The following MAPKAP1 variants were observed in gnomAD, a reference collection of about 807,000 sequenced individuals.
MAPKAP1 encodes the protein MAPK associated protein 1.
In MAPKAP1, 20 loss-of-function variants were observed where a neutral mutation model predicts 65.7. The observed-to-expected ratio is 0.30, with a 90% CI of 0.21 to 0.44. MAPKAP1 has a LOEUF of 0.44. Ranked by LOEUF, MAPKAP1 falls within the 20% of genes least tolerant of loss-of-function variation. MAPKAP1 has a pLI of 1.00. For missense variants in MAPKAP1, 423 were observed against 648.0 expected, an observed-to-expected ratio of 0.65 and a Z score of 3.77; for synonymous variants, 222 against 244.3, an observed-to-expected ratio of 0.91 and a Z score of 0.85.
intron 10 of MAPKAP1, among the ~76,000 whole-genome samples, chr9:125,458,482 A>G (rs1323617128): frequency 6.6e-6 from 1 of 152,046 alleles, no homozygotes; most frequent in East Asian, 1.9e-4. Flanking sequence ...CCCTTAATCC[A>G]TTTAACCCTG....
chr9:125,655,946 A>T (rs1436603475), intron 4 of MAPKAP1, among the ~76,000 whole-genome samples: 2 of 152,200 alleles, frequency 1.3e-5, no homozygotes, highest in Non-Finnish European at 2.9e-5. Flanking sequence ...TCCCGCTGGT[A>T]CTTCAGAAGT....
intron 9 of MAPKAP1, among the ~76,000 whole-genome samples, chr9:125,477,843 A>G (rs1854166538): frequency 6.6e-6 from 1 of 152,218 alleles, no homozygotes; most frequent in South Asian, 2.1e-4. Context: ...TTAGGCACAC[A>G]GGATCAGGTA....
chr9:125,554,959 A>C (rs1377697886), intron 6 of MAPKAP1, among the ~76,000 whole-genome samples: 1 of 152,196 alleles, frequency 6.6e-6, no homozygotes, highest in Non-Finnish European at 1.5e-5. Context: ...CTCATATGAA[A>C]ATCAAAAGAC....
At chr9:125,704,260 AAG>A (rs1835693109) in intron 1 of MAPKAP1, among the ~76,000 whole-genome samples, 1 of 152,316 alleles carries the variant, frequency 6.6e-6, no homozygotes, top group South Asian at 2.1e-4. Context: ...GAAGTTATTC[AAG>A]GTCTCTGTGC....
At chr9:125,673,209 A>G (rs1161635619) in intron 1 of MAPKAP1, among the ~76,000 whole-genome samples, 2 of 152,104 alleles carry the variant, frequency 1.3e-5, no homozygotes, top group Non-Finnish European at 2.9e-5. Context: ...TCAAGATAGT[A>G]TTGTGTTTTT....
rs1293871207 is a variant in MAPKAP1 at position 125,447,673 on chromosome 9, G to A, written c.1346-3075C>T. ...AGCATGGGCTAGAGCAAAGGACAGA[G>A]AAATGAACACCGAGAGTCAAATATG... On this transcript the variant is annotated intron_variant, in intron 10 of 11. Transcript: ENST00000265960. The surrounding 1 kb of genome is among the most constrained non-coding windows in gnomAD (Gnocchi z 4.5). Among the ~76,000 whole-genome samples, 1 of 152,220 alleles carries A rather than the reference G, an allele frequency of 6.6e-6. No individual in the cohort carries two copies. The highest frequency in any genetic ancestry group is 1.5e-5 in the Non-Finnish European group (1 of 68,044).
At chr9:125,452,818 G>C (rs1051167676) in intron 10 of MAPKAP1, among the ~76,000 whole-genome samples, 1 of 152,032 alleles carries the variant, frequency 6.6e-6, no homozygotes, top group Non-Finnish European at 1.5e-5. Flanking sequence ...CTGGGAAGTG[G>C]AGGTTGCAGT....
chr9:125,482,237 C>G (rs921036388), intron 9 of MAPKAP1, among the ~76,000 whole-genome samples: 6 of 151,864 alleles, frequency 4.0e-5, no homozygotes, highest in African/African-American at 1.5e-4. Flanking sequence ...GTCTACAGAC[C>G]CATGTAATCA....
chr9:125,458,226 T>G (rs1257842992), intron 10 of MAPKAP1, among the ~76,000 whole-genome samples: 3 of 152,014 alleles, frequency 2.0e-5, no homozygotes, highest in African/African-American at 7.2e-5. Context: ...TCTTTTTTTT[T>G]TTTTTTTTAA....
chr9:125,514,553 T>C (rs1468442827), intron 7 of MAPKAP1, among the ~76,000 whole-genome samples: 1 of 152,204 alleles, frequency 6.6e-6, no homozygotes, highest in Non-Finnish European at 1.5e-5. Context: ...ACTGAGGAAC[T>C]GTGAATCCTG....
chr9:125,585,526 C>T (rs766114567), intron 5 of MAPKAP1, 29 bp downstream of exon 5: 1 of 1,607,836 alleles, frequency 6.2e-7, no homozygotes, highest in Non-Finnish European at 8.5e-7. Flanking sequence ...CCACAAGAAA[C>T]TAGAGCAGCC....
chr9:125,521,432 ACAGTT>A (rs1485044341), intron 7 of MAPKAP1: 1 of 1,091,474 alleles, frequency 9.2e-7, no homozygotes, highest in Admixed American at 4.9e-5. Flanking sequence ...AATTTTACAT[ACAGTT>A]ATCTGTTGCT....
chr9:125,576,477 T>C (rs532782267), intron 5 of MAPKAP1, among the ~76,000 whole-genome samples: 4 of 152,048 alleles, frequency 2.6e-5, no homozygotes, highest in East Asian at 3.9e-4. Flanking sequence ...AAACGAAGCA[T>C]AGCTCTCCCT....
rs573293807 is a variant in MAPKAP1 at position 125,646,301 on chromosome 9, C to A, written c.498+11350G>T. 4.3e-4 allele frequency among the ~76,000 whole-genome samples: 65 copies of A among 152,184 alleles called. 1 individual carries two copies. In the South Asian group the frequency reaches 0.012, roughly 29 times the overall value. On this transcript the variant is annotated intron_variant, in intron 4 of 11. Transcript: ENST00000265960. ...ACCAGCCTGGACAACAGAGCAACAC[C>A]CTGTCTCTTCAAAACAAAACAAAAC...
chr9:125,477,480 T>C lies in MAPKAP1; in HGVS notation c.1207+6963A>G, dbSNP rs368435663. 4.6e-5 allele frequency among the ~76,000 whole-genome samples: 7 copies of C among 152,298 alleles called. No homozygotes were observed. In the East Asian group the frequency reaches 1.3e-3, roughly 29 times the overall value. On this transcript the variant is annotated intron_variant, in intron 9 of 11. Coordinates refer to ENST00000265960, the MANE Select transcript of MAPKAP1 (RefSeq NM_001006617.3). ...TAAACACCACAATCTAGGGGAGATATTGAGCCAGCAGGCCTGGGATGAGGC... is the reference window on the plus strand; with the variant it reads ...TAAACACCACAATCTAGGGGAGATACTGAGCCAGCAGGCCTGGGATGAGGC...
At chr9:125,643,005 T>C (rs924299261) in intron 4 of MAPKAP1, among the ~76,000 whole-genome samples, 1 of 151,750 alleles carries the variant, frequency 6.6e-6, no homozygotes, top group Non-Finnish European at 1.5e-5. Flanking sequence ...GTTCAAGCGA[T>C]TCTCCTGCCT....
intron 7 of MAPKAP1, among the ~76,000 whole-genome samples, chr9:125,529,868 A>G (rs1331183820): frequency 2.0e-5 from 3 of 152,252 alleles, no homozygotes; most frequent in African/African-American, 7.2e-5. Context: ...CATTATTGTC[A>G]TGTAAGGCAG....
At chr9:125,680,125 C>T (rs1834778069) in intron 1 of MAPKAP1, among the ~76,000 whole-genome samples, 1 of 151,138 alleles carries the variant, frequency 6.6e-6, no homozygotes, top group Admixed American at 6.6e-5. Flanking sequence ...CACTGTACCC[C>T]GACTTCACAC....
At chr9:125,609,461 C>T (rs1832536388) in intron 4 of MAPKAP1, among the ~76,000 whole-genome samples, 1 of 152,192 alleles carries the variant, frequency 6.6e-6, no homozygotes, top group African/African-American at 2.4e-5. Flanking sequence ...TTTGTTTCAC[C>T]TGCCAAGCTT....
Sources: allele counts gnomAD v4.1 joint callset (sites outside exome capture counted in the v4.1 genomes callset), GRCh38; gene constraint gnomAD v4.1.1; non-coding constraint Gnocchi (gnomAD v3.1); transcripts MANE v1.5; gene names NCBI Gene and HGNC (gene_info 2026-07-23, HGNC 2026-07-21).